Variants in FAM228B observed in about 807,000 individuals in gnomAD.
The protein encoded by FAM228B is family with sequence similarity 228 member B, also known as protein FAM228B.
FAM228B carries 38 observed loss-of-function variants against 42.6 expected under a neutral mutation model. That is an observed-to-expected ratio of 0.89 (90% CI 0.69 to 1.17). The LOEUF is 1.17. Ranked by LOEUF, FAM228B falls within the 50% of genes most tolerant of loss-of-function variation. The pLI, the probability that FAM228B is intolerant of heterozygous loss-of-function variation, is 0.00. For synonymous variants in FAM228B, 109 were observed against 122.3 expected (o/e 0.89, Z 0.72); for missense variants, 344 against 367.3 (o/e 0.94, Z 0.52).
chr2:24,156,973 G>C (rs951238979), intron 7 of FAM228B, among the ~76,000 whole-genome samples: 2 of 152,056 alleles, frequency 1.3e-5, no homozygotes, highest in African/African-American at 4.8e-5. Flanking sequence ...TGTGATGTAG[G>C]CTTTCCTTTT....
At position 24,131,426 on chromosome 2, in the gene FAM228B, C is replaced by T. The variant is rs186008161; in HGVS notation, c.100-3693C>T. ...CTATAAATTACTTTGGGTAGTGTGG[C>T]CATTTTCATGATATTGATTCTTCCT... On this transcript the variant is annotated intron_variant, in intron 2 of 10. Coordinates refer to ENST00000615575, the MANE Select transcript of FAM228B (RefSeq NM_001145710.2). Among the ~76,000 whole-genome samples the T allele has an allele frequency of 2.0e-5, 3 of 152,154 alleles. No homozygotes were observed. In the East Asian group the frequency reaches 5.8e-4, roughly 29 times the overall value.
At chr2:24,121,853 T>C (rs1666129385), upstream of FAM228B, among the ~76,000 whole-genome samples, 3 of 152,180 alleles carry the variant, frequency 2.0e-5, no homozygotes, top group Admixed American at 1.3e-4. Flanking sequence ...ACCTCTGCCA[T>C]GAGTGGAAGC....
chr2:24,098,317 C>A (rs1017821562), intron 3 of FAM228B, among the ~76,000 whole-genome samples: 2 of 151,966 alleles, frequency 1.3e-5, no homozygotes, highest in African/African-American at 4.8e-5. Flanking sequence ...GACACGAAAA[C>A]CCTTCAAAAA....
At chr2:24,105,882 C>T (rs1282228181) in intron 3 of FAM228B, among the ~76,000 whole-genome samples, 1 of 152,080 alleles carries the variant, frequency 6.6e-6, no homozygotes, top group Admixed American at 6.6e-5. Context: ...TGAAGACTAG[C>T]TCTCTGAAAT....
chr2:24,079,377 G>T, intron 1 of FAM228B: 1 of 1,525,460 alleles, frequency 6.6e-7, no homozygotes, highest in Non-Finnish European at 9.0e-7. Context: ...TTCCTTTCTC[G>T]GGGTAATGTA....
Position 24,084,435 on chromosome 2 carries a change from G to C in FAM228B, c.-210+3480G>C. 1 of 1,353,048 alleles carries C rather than the reference G, an allele frequency of 7.4e-7. No homozygotes were observed. Among genetic ancestry groups the C allele is most frequent in the East Asian group, 2.7e-5 (1 of 36,456 alleles). The allele number at this position is 1,353,048 out of a possible 1,614,324, so 83.8% of individuals were successfully genotyped here. On this transcript the variant is annotated intron_variant, in intron 2 of 10. Transcript: ENST00000613899. The surrounding 1 kb of genome is among the most constrained non-coding windows in gnomAD (Gnocchi z 8.4). ...ACAGGGCAGGGGCCGCTGTATCCTC[G>C]CGGAGCAGCCCAGCCTCAGGCTGGC...
rs1232323992 is a variant in FAM228B at position 24,169,393 on chromosome 2, T to C, written c.*52T>C. ...AAGGAGCACACACCCTGATCCTTGA[T>C]TGGTGAAAGGATACACAAAATCAGG... On this transcript the variant is annotated 3_prime_UTR_variant, in exon 11 of 11. Coordinates refer to ENST00000615575, the MANE Select transcript of FAM228B (RefSeq NM_001145710.2). This position sits in a 1 kb window ranked among gnomAD's most constrained non-coding sequence, Gnocchi z 4.2. The C allele has an allele frequency of 2.1e-6, 1 of 465,736 alleles. No individual in the cohort carries two copies. Among genetic ancestry groups the C allele is most frequent in the East Asian group, 7.0e-5 (1 of 14,308 alleles). The allele number at this position is 465,736 out of a possible 1,614,324, so 28.9% of individuals were successfully genotyped here.
chr2:24,167,858 T>A, intron 10 of FAM228B, 175 bp downstream of exon 10: 1 of 693,302 alleles, frequency 1.4e-6, no homozygotes, highest in Non-Finnish European at 2.2e-6. Flanking sequence ...TGTAAGGCAT[T>A]CTCTGGGCTT....
chr2:24,090,261 C>G (rs1197258778), intron 2 of FAM228B, among the ~76,000 whole-genome samples: 2 of 151,694 alleles, frequency 1.3e-5, no homozygotes, highest in Non-Finnish European at 2.9e-5. Flanking sequence ...GAGTGAGACT[C>G]CGTCTCAAAA....
Position 24,084,397 on chromosome 2 carries a change from AGGGCAGGACAGGACAGGGCAGGG to A in FAM228B, c.-210+3444_-210+3466del. The A allele has an allele frequency of 7.6e-6, 11 of 1,449,348 alleles. No homozygotes were observed. Among genetic ancestry groups the A allele is most frequent in the Admixed American group, 2.0e-5 (1 of 51,126 alleles). 89.8% of individuals were successfully genotyped at this position (1,449,348 alleles called of 1,614,324 possible). On this transcript the variant is annotated intron_variant, in intron 2 of 10. Transcript: ENST00000613899. The surrounding 1 kb of genome is among the most constrained non-coding windows in gnomAD (Gnocchi z 8.4). ...AGGGCAGGGCAGGACAGGACAGGGCAGGGCAGGACAGGACAGGGCAGGGGCCGCTGTATCCTCGCGGAGCAGCC... is the reference window on the plus strand; with the variant it reads ...AGGGCAGGGCAGGACAGGACAGGGCAGCCGCTGTATCCTCGCGGAGCAGCC...
chr2:24,102,164 T>C (rs1397593196), intron 3 of FAM228B, among the ~76,000 whole-genome samples: 1 of 152,228 alleles, frequency 6.6e-6, no homozygotes, highest in East Asian at 1.9e-4. Context: ...ACAACTTAAT[T>C]AGATCTTGCT....
chr2:24,148,527 G>A (rs1666948081), intron 7 of FAM228B, among the ~76,000 whole-genome samples: 1 of 152,082 alleles, frequency 6.6e-6, no homozygotes, highest in Non-Finnish European at 1.5e-5. Flanking sequence ...ACGACAGCAA[G>A]ATTTCTGCTT....
At chr2:24,144,887 C>T (rs1178043470) in intron 5 of FAM228B, among the ~76,000 whole-genome samples, 1 of 152,158 alleles carries the variant, frequency 6.6e-6, no homozygotes, top group Non-Finnish European at 1.5e-5. Flanking sequence ...GGGGATTGCC[C>T]TGCCCCATCC....
intron 5 of FAM228B, among the ~76,000 whole-genome samples, chr2:24,140,084 C>T (rs1355278652): frequency 1.3e-5 from 2 of 152,110 alleles, no homozygotes; most frequent in African/African-American, 4.8e-5. Context: ...TTTGCTGCTA[C>T]TGTGTGAGGT....
At chr2:24,107,749 T>G (rs1665724599) in intron 3 of FAM228B, among the ~76,000 whole-genome samples, 1 of 152,132 alleles carries the variant, frequency 6.6e-6, no homozygotes, top group African/African-American at 2.4e-5. Context: ...AGATATGACA[T>G]ACAAGAATCT....
intron 7 of FAM228B, among the ~76,000 whole-genome samples, chr2:24,158,939 C>A (rs1053577769): frequency 6.6e-6 from 1 of 152,190 alleles, no homozygotes; most frequent in Non-Finnish European, 1.5e-5. Context: ...CTGGCAGGGC[C>A]ACTCTCTCTG....
Position 24,147,049 on chromosome 2 carries a change from A to G in FAM228B, c.649A>G (p.Thr217Ala), listed in dbSNP as rs765720148. 18 of 1,551,252 alleles carry G rather than the reference A, an allele frequency of 1.2e-5. No individual in the cohort carries two copies. The highest frequency in any genetic ancestry group is 2.4e-5 in the East Asian group (1 of 40,870). The change falls in exon 7 of 11, where the codon ACA becomes GCA. Residue 217 changes from threonine (T) to alanine (A), a missense_variant. Coordinates refer to ENST00000615575, the MANE Select transcript of FAM228B (RefSeq NM_001145710.2). ...ITPNEWLKLP[T>A]RYIESEFCRR... is the part of the protein sequence containing the mutation. The stretch of plus-strand genomic sequence containing the variant: ...TCCAAACGAGTGGCTGAAACTGCCT[A>G]CAAGATACATAGAAAGTGAATTTTG...
At chr2:24,148,671 T>A (rs1401022997) in intron 7 of FAM228B, among the ~76,000 whole-genome samples, 1 of 152,222 alleles carries the variant, frequency 6.6e-6, no homozygotes, top group Non-Finnish European at 1.5e-5. Flanking sequence ...AATAGTCACA[T>A]AATGTAAAAT....
intron 3 of FAM228B, among the ~76,000 whole-genome samples, chr2:24,104,593 G>A (rs1005102756): frequency 6.6e-6 from 1 of 151,952 alleles, no homozygotes; most frequent in Non-Finnish European, 1.5e-5. Context: ...CTGCTTCTGT[G>A]TGAACTCAGC....
Sources: gnomAD v4.1 joint callset for allele counts (sites outside exome capture counted in the v4.1 genomes callset) on GRCh38, gnomAD v4.1.1 for gene constraint, Gnocchi (gnomAD v3.1) non-coding constraint, MANE v1.5 for transcripts, NCBI Gene and HGNC (gene_info 2026-07-23, HGNC 2026-07-21) for gene names.